The following SLC12A9 variants were observed in gnomAD, a reference collection of about 807,000 sequenced individuals.
SLC12A9 encodes the protein CCC-interacting protein 1.
SLC12A9 carries 55 observed loss-of-function variants against 66.0 expected under a neutral mutation model. That is an observed-to-expected ratio of 0.83 (90% CI 0.67 to 1.04). The LOEUF (loss-of-function observed/expected upper bound fraction) is 1.04, where lower values mean the gene tolerates loss of function less well. Ranked by LOEUF, SLC12A9 falls within the 50% of genes least tolerant of loss-of-function variation. The pLI, the probability that SLC12A9 is intolerant of heterozygous loss-of-function variation, is 0.00. For synonymous variants in SLC12A9, 577 were observed against 569.0 expected (o/e 1.01, Z -0.20); for missense variants, 1,061 against 1,241.9 (o/e 0.85, Z 2.19).
At chr7:100,860,368 G>A (rs1814672519) in intron 9 of SLC12A9, 136 bp downstream of exon 9, 3 of 864,770 alleles carry the variant, frequency 3.5e-6, no homozygotes, top group Admixed American at 2.8e-5. Flanking sequence ...ACTCTGCAGG[G>A]TTCACTGGCA....
At chr7:100,827,067 TG>T (rs1404689846) in intron 1 of SLC12A9, 2 of 1,556,928 alleles carry the variant, frequency 1.3e-6, no homozygotes, top group Non-Finnish European at 1.7e-6. Flanking sequence ...GAACTGAGTT[TG>T]GGGGGCCCTC....
chr7:100,865,711 G>A lies in SLC12A9; in HGVS notation c.1859-8G>A. The A allele has an allele frequency of 1.2e-6, 2 of 1,600,756 alleles. No individual in the cohort carries two copies. Among genetic ancestry groups the A allele is most frequent in the Non-Finnish European group, 1.7e-6 (2 of 1,172,412 alleles). On this transcript the variant is annotated splice_polypyrimidine_tract_variant and splice_region_variant and intron_variant, in intron 13 of 13. Transcript: ENST00000354161. The stretch of plus-strand genomic sequence containing the variant: ...TGTCTGTTCCTGCCTTCCCCGCTCT[G>A]CCCCCAGGTGGCATGAAGCCCAACA...
chr7:100,840,770 G>C (rs1008270242), intron 1 of SLC12A9, among the ~76,000 whole-genome samples: 4 of 151,848 alleles, frequency 2.6e-5, no homozygotes, highest in Non-Finnish European at 5.9e-5. Flanking sequence ...AAAAAAAAAA[G>C]GTGTACCCTA....
intron 5 of SLC12A9, 66 bp from the exon 6 acceptor site, chr7:100,858,769 G>A (rs1814558387): frequency 6.7e-7 from 1 of 1,483,400 alleles, no homozygotes; most frequent in African/African-American, 1.4e-5. Context: ...TGGAGAGGGT[G>A]GCTAAGAGGC....
At chr7:100,828,908 AG>A (rs142046553) in intron 1 of SLC12A9, among the ~76,000 whole-genome samples, 4,003 of 151,848 alleles carry the variant, frequency 0.026, 193 homozygotes, top group African/African-American at 0.092. Context: ...GATGGATTGG[AG>A]GGGGTGCTGC....
chr7:100,859,722 G>A (rs314375), intron 7 of SLC12A9, 163 bp from the exon 8 acceptor site: 453,693 of 842,636 alleles, frequency 0.54, 125,553 homozygotes, highest in East Asian at 0.82. Flanking sequence ...TAAAAAAAAG[G>A]AAGGAATGAC....
intron 1 of SLC12A9, among the ~76,000 whole-genome samples, chr7:100,840,750 A>C (rs1430382732): frequency 1.3e-5 from 2 of 152,024 alleles, no homozygotes; most frequent in Non-Finnish European, 2.9e-5. Context: ...GAGATATACA[A>C]GCAGTTAAGA....
In SLC12A9 at chr7:100,856,910, A is replaced by G; in HGVS notation, c.491A>G (p.Tyr164Cys). 1 of 1,610,082 alleles carries G rather than the reference A, an allele frequency of 6.2e-7. No homozygotes were observed. Among genetic ancestry groups the G allele is most frequent in the Non-Finnish European group, 8.5e-7 (1 of 1,179,436 alleles). The part of the protein sequence containing the change: ...PSGLRVLPQG[Y>C]GWNLLYGSLL... ...GGGCTCCGGGTCCTGCCCCAGGGCT[A>G]CGGCTGGAACCTGCTGTATGGCTCC... The change falls in exon 5 of 14, where the codon TAC becomes TGC. Residue 164 changes from tyrosine (Y) to cysteine (C), a missense_variant. Physicochemically the swap from Tyr to Cys is radical, Grantham distance 194 (BLOSUM62 -2). Transcript: ENST00000354161.
In SLC12A9 at chr7:100,861,880, T is replaced by A. The variant is rs113313997; in HGVS notation, c.1680T>A (p.Tyr560Ter). The A allele has an allele frequency of 6.2e-7, 1 of 1,612,096 alleles. No homozygotes were observed. The highest frequency in any genetic ancestry group is 8.5e-7 in the Non-Finnish European group (1 of 1,178,926). ...LANQLKKGGL[Y>*]VLGHVTLGDL... ...ACCAGCTTAAGAAGGGGGGGCTGTA[T>A]GTGCTGGGCCACGTCACCCTGGGAG... is the stretch of plus-strand genomic sequence containing the variant. The change falls in exon 12 of 14, where the codon TAT (tyrosine) becomes TAA (stop). Residue 560 changes from tyrosine to a stop codon, truncating the protein, a stop_gained. Coordinates refer to ENST00000354161, the MANE Select transcript of SLC12A9 (RefSeq NM_020246.4). LOFTEE classifies it high-confidence loss of function. This position sits in a 1 kb window ranked among gnomAD's most constrained non-coding sequence, Gnocchi z 5.3.
chr7:100,833,359 C>G (rs755003313), intron 1 of SLC12A9, among the ~76,000 whole-genome samples: 16 of 151,976 alleles, frequency 1.1e-4, no homozygotes, highest in Non-Finnish European at 1.9e-4. Flanking sequence ...ATCCCAGCTA[C>G]TCAGGAGGCT....
chr7:100,830,135 T>C (rs2116488039), intron 1 of SLC12A9, among the ~76,000 whole-genome samples: 1 of 152,210 alleles, frequency 6.6e-6, no homozygotes, highest in East Asian at 1.9e-4. Context: ...GCGGATCACC[T>C]GAGGTCAGGA....
At chr7:100,843,814 A>G (rs1813840203) in intron 1 of SLC12A9, among the ~76,000 whole-genome samples, 1 of 152,200 alleles carries the variant, frequency 6.6e-6, no homozygotes, top group African/African-American at 2.4e-5. Flanking sequence ...AGTTTGCAAC[A>G]CCCTAAACCC....
At position 100,854,280 on chromosome 7, in the gene SLC12A9, G is replaced by A. The variant is rs1015850888; in HGVS notation, c.83G>A (p.Gly28Asp). 1 of 1,599,032 alleles carries A rather than the reference G, an allele frequency of 6.3e-7. No homozygotes were observed. Among genetic ancestry groups the A allele is most frequent in the Non-Finnish European group, 8.5e-7 (1 of 1,176,148 alleles). The change falls in exon 2 of 14, where the codon GGT becomes GAT. Residue 28 changes from glycine to aspartate, a missense_variant. Gly to Asp is a moderately conservative substitution (Grantham distance 94, BLOSUM62 -1). Transcript: ENST00000354161. ...GCCCTCCCTGCCAATGGGGCCGGGG[G>A]TCCTGGAGGGGCGTCTGCCCGGAAG... ...GVALPANGAG[G>D]PGGASARKLS...
intron 1 of SLC12A9, among the ~76,000 whole-genome samples, chr7:100,833,889 C>T (rs990913960): frequency 6.4e-5 from 9 of 139,798 alleles, no homozygotes; most frequent in Non-Finnish European, 1.1e-4. Flanking sequence ...ACCCAGATCA[C>T]GCCACTGCAC....
At chr7:100,856,043 C>T (rs111925403) in intron 4 of SLC12A9, 11 of 624,610 alleles carry the variant, frequency 1.8e-5, no homozygotes, top group South Asian at 1.4e-4. Context: ...ACCATCTAAT[C>T]GGAGAGACCA....
Position 100,854,739 on chromosome 7 carries a change from G to T in SLC12A9, c.301G>T (p.Gly101Trp), listed in dbSNP as rs766572386. Residue 101 changes from glycine (G) to tryptophan (W), a missense_variant, in exon 3 of 14, where the codon GGG becomes TGG. Gly to Trp is a radical substitution (Grantham distance 184). Transcript: ENST00000354161. ...CAIATNGAVQ[G>W]GGAYFMISRT... ...CATCGCCACCAATGGAGCCGTGCAG[G>T]GGGGCGGAGCCTACTGTATCCTCCA... 3 of 1,613,926 alleles carry T rather than the reference G, an allele frequency of 1.9e-6. No individual in the cohort carries two copies. The highest frequency in any genetic ancestry group is 2.2e-5 in the South Asian group (2 of 91,088).
At position 100,861,256 on chromosome 7, in the gene SLC12A9, A is replaced by T. The variant is rs377703782; in HGVS notation, c.1337A>T (p.Asn446Ile). The stretch of plus-strand genomic sequence containing the variant: ...AGCCTGGAGTGGGCCTCGGCCCCCA[A>T]CTTCCGGTGAGAGACTCAGATCTGT... ...CLSLEWASAP[N>I]FRPTFSLFSW... is the part of the protein sequence containing the mutation. The change falls in exon 10 of 14, where the codon AAC becomes ATC. Residue 446 changes from asparagine to isoleucine, a missense_variant. Asn to Ile is a moderately radical substitution (Grantham distance 149). Coordinates refer to ENST00000354161, the MANE Select transcript of SLC12A9 (RefSeq NM_020246.4). The surrounding 1 kb of genome is among the most constrained non-coding windows in gnomAD (Gnocchi z 5.3). The T allele has an allele frequency of 1.2e-6, 2 of 1,614,146 alleles. No individual in the cohort carries two copies. The highest frequency in any genetic ancestry group is 1.7e-6 in the Non-Finnish European group (2 of 1,180,024).
chr7:100,855,558 A>C lies in SLC12A9; in HGVS notation c.317-148A>C, dbSNP rs571654918. ...GCAGTGATTGTTTTACAGATGCAGA[A>C]ACTGGCACTCAGAGGATATGAGTGA... is the stretch of plus-strand genomic sequence containing the variant. On this transcript the variant is annotated intron_variant, in intron 3 of 13. Transcript: ENST00000354161. The C allele has an allele frequency of 3.9e-4, 366 of 947,252 alleles. No individual in the cohort carries two copies. In the South Asian group the frequency reaches 4.0e-3, roughly 10 times the overall value. The allele number at this position is 947,252 out of a possible 1,614,324, so 58.7% of individuals were successfully genotyped here.
chr7:100,862,326 A>G (rs1458483994), intron 12 of SLC12A9, among the ~76,000 whole-genome samples: 1 of 151,842 alleles, frequency 6.6e-6, no homozygotes, highest in Non-Finnish European at 1.5e-5. Context: ...TGGTGCCATC[A>G]TAGTTCACTG....
Sources: gnomAD v4.1 joint callset for allele counts (sites outside exome capture counted in the v4.1 genomes callset) on GRCh38, gnomAD v4.1.1 for gene constraint, Gnocchi (gnomAD v3.1) non-coding constraint, MANE v1.5 for transcripts, NCBI Gene and HGNC (gene_info 2026-07-23, HGNC 2026-07-21) for gene names.